Variants in MYLK3 observed in about 807,000 individuals in gnomAD.
The protein encoded by MYLK3 is myosin light chain kinase 3.
Under a neutral mutation model 76.3 loss-of-function variants are expected in MYLK3, and 55 were observed. The observed-to-expected ratio is 0.72, with a 90% CI of 0.58 to 0.90. The LOEUF (loss-of-function observed/expected upper bound fraction) is 0.90. MYLK3 is among the 40% of genes least tolerant of loss of function. The pLI is 0.00. For synonymous variants in MYLK3, 416 were observed against 425.4 expected, an observed-to-expected ratio of 0.98 and a Z score of 0.27; for missense variants, 973 against 1,053.6, an observed-to-expected ratio of 0.92 and a Z score of 1.06.
intron 3 of MYLK3, among the ~76,000 whole-genome samples, chr16:46,736,867 C>T (rs1010243101): frequency 3.3e-5 from 5 of 152,032 alleles, no homozygotes; most frequent in African/African-American, 7.2e-5. Flanking sequence ...GGGACCGGGA[C>T]GTGCTGGGGA....
chr16:46,728,085 G>A (rs1036550809), intron 7 of MYLK3, among the ~76,000 whole-genome samples: 10 of 152,196 alleles, frequency 6.6e-5, no homozygotes, highest in Non-Finnish European at 1.3e-4. Context: ...ATAGTCTTTC[G>A]CTTATCTTTT....
intron 9 of MYLK3, among the ~76,000 whole-genome samples, chr16:46,714,533 C>T (rs1966717800): frequency 6.6e-6 from 1 of 152,162 alleles, no homozygotes; most frequent in Non-Finnish European, 1.5e-5. Context: ...AGCAGCTGAC[C>T]CAGGACTCAA....
At position 46,712,788 on chromosome 16, in the gene MYLK3, G is replaced by C; in HGVS notation, c.1986-12C>G. The C allele has an allele frequency of 6.3e-7, 1 of 1,580,150 alleles. No individual in the cohort carries two copies. The highest frequency in any genetic ancestry group is 8.6e-7 in the Non-Finnish European group (1 of 1,164,052). ...CTCGAGGCTTGTACCTGGGGAGAAG[G>C]GGAGGGTACAAAGAAGCATGGGGTG... On this transcript the variant is annotated splice_polypyrimidine_tract_variant and intron_variant, in intron 9 of 12. Coordinates refer to ENST00000394809, the MANE Select transcript of MYLK3 (RefSeq NM_182493.3).
Position 46,728,961 on chromosome 16 carries a change from C to T in MYLK3, c.1772+63G>A, listed in dbSNP as rs1966847261. The T allele has an allele frequency of 3.3e-6, 4 of 1,223,470 alleles. No individual in the cohort carries two copies. In the South Asian group the frequency reaches 3.6e-5, roughly 11 times the overall value. The allele number at this position is 1,223,470 out of a possible 1,614,324, so 75.8% of individuals were successfully genotyped here. Reference sequence around the variant, plus strand: ...GAGAGGGCTTTGCCTCGAATGAAGGCTCTAAGCCCCAGCACTGAGCCCTGG... The same window carrying T: ...GAGAGGGCTTTGCCTCGAATGAAGGTTCTAAGCCCCAGCACTGAGCCCTGG... On this transcript the variant is annotated intron_variant, in intron 7 of 12. Coordinates refer to ENST00000394809, the MANE Select transcript of MYLK3 (RefSeq NM_182493.3).
In MYLK3 at chr16:46,737,919, C is replaced by T. The variant is rs1237569452; in HGVS notation, c.793G>A (p.Ala265Thr). ...SENLRTGLELAPAPGRVNVVS... is the reference protein window; with the variant it reads ...SENLRTGLELTPAPGRVNVVS... The stretch of plus-strand genomic sequence containing the variant: ...ACATTGACCCTGCCGGGTGCTGGAG[C>T]CAATTCCAGGCCAGTCCTGAGGTTC... Residue 265 changes from alanine (A) to threonine (T), a missense_variant, in exon 3 of 13, where the codon GCT (alanine) becomes ACT (threonine). Physicochemically the swap from Ala to Thr is moderately conservative, Grantham distance 58. Transcript: ENST00000394809. 1 of 1,614,188 alleles carries T rather than the reference C, an allele frequency of 6.2e-7. No individual in the cohort carries two copies. Among genetic ancestry groups the T allele is most frequent in the Admixed American group, 1.7e-5 (1 of 60,034 alleles).
At chr16:46,729,170 A>T (rs1418444123) in intron 6 of MYLK3, 37 bp from the exon 7 acceptor site, 1 of 1,551,008 alleles carries the variant, frequency 6.4e-7, no homozygotes, top group Non-Finnish European at 8.9e-7. Context: ...TTTCCAAGCG[A>T]ATGAGTCAAG....
chr16:46,757,556 G>T, intron 1 of MYLK3: 1 of 985,460 alleles, frequency 1.0e-6, no homozygotes, highest in Non-Finnish European at 1.2e-6. Context: ...TCTGCCTAGA[G>T]ATGGATGCTG....
chr16:46,709,456 A>G, intron 12 of MYLK3, 83 bp downstream of exon 12: 1 of 1,457,310 alleles, frequency 6.9e-7, no homozygotes, highest in Non-Finnish European at 9.3e-7. Flanking sequence ...AAAAAAAAAA[A>G]GAAAAGGAAA....
chr16:46,736,267 C>T (rs1966868133), intron 3 of MYLK3, among the ~76,000 whole-genome samples: 1 of 152,196 alleles, frequency 6.6e-6, no homozygotes, highest in Admixed American at 6.5e-5. Context: ...CCCGCCTCGG[C>T]CTCTCACAGT....
intron 9 of MYLK3, among the ~76,000 whole-genome samples, chr16:46,719,604 GAA>G (rs1251530241): frequency 6.6e-6 from 1 of 152,214 alleles, no homozygotes; most frequent in Non-Finnish European, 1.5e-5. Context: ...ACCTATCTGT[GAA>G]GAGAGTAGGG....
chr16:46,710,546 A>G, intron 11 of MYLK3, 91 bp downstream of exon 11: 1 of 1,420,674 alleles, frequency 7.0e-7, no homozygotes, highest in South Asian at 1.3e-5. Context: ...GTCCACAGGA[A>G]GAAGGACCTT....
At chr16:46,714,669 CAT>C (rs1166886628) in intron 9 of MYLK3, among the ~76,000 whole-genome samples, 2 of 152,212 alleles carry the variant, frequency 1.3e-5, no homozygotes, top group Admixed American at 6.5e-5. Flanking sequence ...CACCTCGTGT[CAT>C]GTGACTTTGT....
intron 1 of MYLK3, among the ~76,000 whole-genome samples, chr16:46,744,068 T>C (rs1966977162): frequency 6.6e-6 from 1 of 152,224 alleles, no homozygotes; most frequent in Non-Finnish European, 1.5e-5. Flanking sequence ...GGAGTCTCGC[T>C]GTCACCCAGG....
chr16:46,714,477 GC>G (rs1235321300), intron 9 of MYLK3, among the ~76,000 whole-genome samples: 2 of 151,954 alleles, frequency 1.3e-5, no homozygotes, highest in South Asian at 2.1e-4. Flanking sequence ...GAAGGACTGG[GC>G]CTCGGGGGGC....
At chr16:46,739,139 C>A (rs1966890886) in intron 2 of MYLK3, among the ~76,000 whole-genome samples, 1 of 152,072 alleles carries the variant, frequency 6.6e-6, no homozygotes, top group Admixed American at 6.6e-5. Context: ...CCGTGCCCGG[C>A]CTCTTATTTT....
In MYLK3 at chr16:46,702,526, C is replaced by A. The variant is rs1307068411; in HGVS notation, c.*5178G>T. On this transcript the variant is annotated 3_prime_UTR_variant, in exon 13 of 13. Transcript: ENST00000394809. The stretch of plus-strand genomic sequence containing the variant: ...AGTAACTATCATCAAATGTGAAATT[C>A]ATAATCTAAATGTCTCAAAAATATC... Among the ~76,000 whole-genome samples, 2 of 152,196 alleles carry A rather than the reference C, an allele frequency of 1.3e-5. No homozygotes were observed. Among genetic ancestry groups the A allele is most frequent in the Non-Finnish European group, 2.9e-5 (2 of 68,034 alleles).
Position 46,738,297 on chromosome 16 carries a change from C to A in MYLK3, c.569-154G>T, listed in dbSNP as rs533460961. Reference sequence around the variant, plus strand: ...AAATGAAAGGGGCTGGTTGACTAAACCATGATGCATCCAACAAGGAGTGCG... The same window carrying A: ...AAATGAAAGGGGCTGGTTGACTAAAACATGATGCATCCAACAAGGAGTGCG... On this transcript the variant is annotated intron_variant, in intron 2 of 12. Coordinates refer to ENST00000394809, the MANE Select transcript of MYLK3 (RefSeq NM_182493.3). 2.0e-5 allele frequency among the ~76,000 whole-genome samples: 3 copies of A among 152,350 alleles called. No individual in the cohort carries two copies. The East Asian group carries it at 5.8e-4, about 29-fold the overall frequency.
chr16:46,720,618 T>G (rs986460257), intron 9 of MYLK3, among the ~76,000 whole-genome samples: 1 of 152,176 alleles, frequency 6.6e-6, no homozygotes, highest in African/African-American at 2.4e-5. Flanking sequence ...CAGCAGGTAA[T>G]GTATTATATC....
intron 7 of MYLK3, among the ~76,000 whole-genome samples, chr16:46,728,449 G>A (rs1490111715): frequency 6.6e-6 from 1 of 152,196 alleles, no homozygotes; most frequent in African/African-American, 2.4e-5. Flanking sequence ...GGCAGAGTGT[G>A]GTGGCTCACA....
Sources: gnomAD v4.1 joint callset for allele counts (sites outside exome capture counted in the v4.1 genomes callset) on GRCh38, gnomAD v4.1.1 for gene constraint, MANE v1.5 for transcripts, NCBI Gene and HGNC (gene_info 2026-07-23, HGNC 2026-07-21) for gene names.